Variants in RABGAP1L observed in about 807,000 individuals in gnomAD.
RABGAP1L encodes RAB GTPase activating protein 1 like.
Under a neutral mutation model 137.7 loss-of-function variants are expected in RABGAP1L, and 63 were observed. The ratio of observed to expected loss-of-function variants is 0.46; its 90% confidence interval spans 0.37 to 0.56. The LOEUF is 0.56. Among genes scored for constraint, RABGAP1L ranks in the 20% least tolerant of loss-of-function variants. RABGAP1L has a pLI of 0.00. For missense variants in RABGAP1L, 1,095 were observed against 1,244.0 expected (o/e 0.88, Z 1.80); for synonymous variants, 431 against 433.7 (o/e 0.99, Z 0.08).
intron 1 of RABGAP1L, among the ~76,000 whole-genome samples, chr1:174,195,360 C>T (rs1340063727): frequency 6.6e-6 from 1 of 151,970 alleles, no homozygotes. Flanking sequence ...TTTTATTAGG[C>T]TGTATTTAGA....
intron 13 of RABGAP1L, among the ~76,000 whole-genome samples, chr1:174,430,724 A>AG (rs1365963514): frequency 1.3e-5 from 2 of 152,222 alleles, no homozygotes; most frequent in Admixed American, 6.5e-5. Flanking sequence ...AGTAATATGT[A>AG]GGGTTGTCTA....
At chr1:174,820,957 C>T (rs1690956787) in intron 19 of RABGAP1L, among the ~76,000 whole-genome samples, 1 of 150,658 alleles carries the variant, frequency 6.6e-6, no homozygotes, top group Non-Finnish European at 1.5e-5. Flanking sequence ...GTGGAGGTTG[C>T]AGTGAACTGA....
At chr1:174,204,465 G>C (rs182960025) in intron 1 of RABGAP1L, among the ~76,000 whole-genome samples, 29 of 152,294 alleles carry the variant, frequency 1.9e-4, no homozygotes, top group Admixed American at 1.6e-3. Context: ...AGTGGTGAGA[G>C]AGGGCATCCT....
At chr1:174,916,852 A>T (rs1162738965) in intron 19 of RABGAP1L, among the ~76,000 whole-genome samples, 1 of 152,250 alleles carries the variant, frequency 6.6e-6, no homozygotes, top group South Asian at 2.1e-4. Flanking sequence ...TAAGACTTAC[A>T]TTACTAAATA....
chr1:174,265,658 T>C (rs1421311599), intron 7 of RABGAP1L, among the ~76,000 whole-genome samples: 2 of 152,062 alleles, frequency 1.3e-5, no homozygotes, highest in Admixed American at 1.3e-4. Flanking sequence ...TTGCTAAGGA[T>C]GGTATGGAGG....
chr1:174,257,229 G>C lies in RABGAP1L; in HGVS notation c.986+4639G>C, dbSNP rs568615520. Among the ~76,000 whole-genome samples the C allele has an allele frequency of 2.6e-5, 4 of 152,224 alleles. No individual in the cohort carries two copies. In the South Asian group the frequency reaches 8.3e-4, roughly 32 times the overall value. On this transcript the variant is annotated intron_variant, in intron 7 of 25. Transcript: ENST00000681986. ...AATTTAAAAAGTCTGTAGCAACACA[G>C]ACAAAGAAGTACTAGGTATTGAGTT...
At chr1:174,290,825 G>C (rs1397054041) in intron 10 of RABGAP1L, among the ~76,000 whole-genome samples, 2 of 151,168 alleles carry the variant, frequency 1.3e-5, no homozygotes, top group Admixed American at 1.3e-4. Context: ...GCAATGGCGA[G>C]ATCTCGGCTC....
At chr1:174,952,965 G>C (rs568698102) in intron 19 of RABGAP1L, among the ~76,000 whole-genome samples, 40 of 149,042 alleles carry the variant, frequency 2.7e-4, no homozygotes, top group Admixed American at 1.2e-3. Context: ...GAGTTCAAGA[G>C]CAGCCTGGCC....
Position 174,921,317 on chromosome 1 carries a change from T to C in RABGAP1L, c.2341-36140T>C, listed in dbSNP as rs7515482. Reference sequence around the variant, plus strand: ...GCATACCTGGGTTTTGTTTTGTTTTTTTAAACCTGTTTTAATCAGCCTACT... The same window carrying C: ...GCATACCTGGGTTTTGTTTTGTTTTCTTAAACCTGTTTTAATCAGCCTACT... On this transcript the variant is annotated intron_variant, in intron 19 of 25. Transcript: ENST00000681986. Among the ~76,000 whole-genome samples, 547 of 152,346 alleles carry C rather than the reference T, an allele frequency of 3.6e-3. 4 individuals are homozygous for C. The highest frequency in any genetic ancestry group is 0.011 in the African/African-American group (467 of 41,580).
intron 19 of RABGAP1L, among the ~76,000 whole-genome samples, chr1:174,926,092 C>T (rs959911896): frequency 2.0e-5 from 3 of 151,692 alleles, no homozygotes; most frequent in Admixed American, 1.3e-4. Flanking sequence ...ATCTTTTCCC[C>T]ACCTATTTGT....
intron 7 of RABGAP1L, among the ~76,000 whole-genome samples, chr1:174,255,252 A>G (rs1190625517): frequency 2.0e-5 from 3 of 152,194 alleles, no homozygotes; most frequent in Non-Finnish European, 2.9e-5. Context: ...AGCTGAAGAT[A>G]TCGTATTTTT....
At chr1:174,931,989 G>GTTTT (rs1558247691) in intron 19 of RABGAP1L, among the ~76,000 whole-genome samples, 3 of 94,180 alleles carry the variant, frequency 3.2e-5, no homozygotes, top group Non-Finnish European at 6.3e-5. Flanking sequence ...CTGCTTTTTT[G>GTTTT]GTTTTTTTTT....
At chr1:174,189,989 T>G (rs1210834123) in intron 1 of RABGAP1L, among the ~76,000 whole-genome samples, 1 of 151,972 alleles carries the variant, frequency 6.6e-6, no homozygotes, top group Non-Finnish European at 1.5e-5. Flanking sequence ...TGCTCAGTAC[T>G]CTGCAGAGAG....
chr1:174,718,596 C>A (rs527285292), intron 17 of RABGAP1L, among the ~76,000 whole-genome samples: 20 of 152,168 alleles, frequency 1.3e-4, no homozygotes, highest in African/African-American at 2.4e-4. Context: ...ATTTTTGAGG[C>A]CCTTGGCATC....
intron 19 of RABGAP1L, among the ~76,000 whole-genome samples, chr1:174,849,005 C>T (rs1647666463): frequency 6.6e-6 from 1 of 152,146 alleles, no homozygotes; most frequent in African/African-American, 2.4e-5. Context: ...GTGCGTCCGT[C>T]ACCGCTTTCT....
intron 19 of RABGAP1L, among the ~76,000 whole-genome samples, chr1:174,839,064 G>T (rs976826896): frequency 2.5e-4 from 28 of 110,726 alleles, no homozygotes; most frequent in Admixed American, 1.7e-3. Context: ...TGTTGGTAGG[G>T]GTGGGGGTAG....
chr1:174,210,354 A>G (rs976673409), intron 1 of RABGAP1L, among the ~76,000 whole-genome samples: 8 of 152,194 alleles, frequency 5.3e-5, no homozygotes, highest in Non-Finnish European at 8.8e-5. Context: ...ACAGAGAAGG[A>G]ATTCAGAATT....
intron 17 of RABGAP1L, among the ~76,000 whole-genome samples, chr1:174,707,203 G>C (rs895663799): frequency 7.2e-6 from 1 of 138,840 alleles, no homozygotes; most frequent in Non-Finnish European, 1.6e-5. Context: ...TTGTGATCAA[G>C]GGCAAGGTTT....
At chr1:174,891,702 G>T (rs758774051) in intron 19 of RABGAP1L, among the ~76,000 whole-genome samples, 2 of 151,910 alleles carry the variant, frequency 1.3e-5, no homozygotes, top group African/African-American at 4.8e-5. Context: ...ATAGGGTCTC[G>T]CTATGTTGCT....
Sources: gnomAD v4.1 joint callset for allele counts (sites outside exome capture counted in the v4.1 genomes callset) on GRCh38, gnomAD v4.1.1 for gene constraint, MANE v1.5 for transcripts, NCBI Gene and HGNC (gene_info 2026-07-23, HGNC 2026-07-21) for gene names.